Variants in LOXL1 observed in about 807,000 individuals in gnomAD.
LOXL1 encodes lysyl oxidase like 1, also known as lysyl oxidase homolog 1.
LOXL1 carries 31 observed loss-of-function variants against 62.2 expected under a neutral mutation model. The observed-to-expected ratio is 0.50, with a 90% CI of 0.37 to 0.67. LOXL1 has a LOEUF of 0.67. Among genes scored for constraint, LOXL1 ranks in the 30% least tolerant of loss-of-function variants. The pLI is 0.00. For synonymous variants in LOXL1, 403 were observed against 384.4 expected, an observed-to-expected ratio of 1.05 and a Z score of -0.56; for missense variants, 775 against 843.4, an observed-to-expected ratio of 0.92 and a Z score of 1.00.
chr15:73,947,056 T>A lies in LOXL1; in HGVS notation c.1350-11T>A. ...GGCCCTCTTCTTTCTCCTTCTCTCC[T>A]CTGCCCCTAGGCATTACCACAGCAT... On this transcript the variant is annotated splice_polypyrimidine_tract_variant and intron_variant, in intron 3 of 6. Coordinates refer to ENST00000261921, the MANE Select transcript of LOXL1 (RefSeq NM_005576.4). 1.9e-6 allele frequency: 3 copies of A among 1,587,280 alleles called. No homozygotes were observed. Among genetic ancestry groups the A allele is most frequent in the Non-Finnish European group, 2.6e-6 (3 of 1,161,054 alleles).
At chr15:73,932,847 A>G (rs2068644588) in intron 1 of LOXL1, among the ~76,000 whole-genome samples, 1 of 152,234 alleles carries the variant, frequency 6.6e-6, no homozygotes, top group African/African-American at 2.4e-5. Flanking sequence ...TCAGAAAGAA[A>G]AAGAGTCTTC....
In LOXL1 at chr15:73,926,558, A is replaced by T; in HGVS notation, c.-226A>T. On this transcript the variant is annotated 5_prime_UTR_variant, in exon 1 of 7. Transcript: ENST00000261921. ...CCTGCCCGCCCGGTGCCCTGCGGAG[A>T]GCCTCGTGCAGCCCTGGGCACCGCC... is the stretch of plus-strand genomic sequence containing the variant. The T allele has an allele frequency of 2.4e-6, 1 of 422,462 alleles. No homozygotes were observed. The highest frequency in any genetic ancestry group is 4.0e-6 in the Non-Finnish European group (1 of 247,726). The allele number at this position is 422,462 out of a possible 1,614,324, so 26.2% of individuals were successfully genotyped here.
chr15:73,944,002 G>A (rs1156478826), intron 2 of LOXL1, among the ~76,000 whole-genome samples: 1 of 152,174 alleles, frequency 6.6e-6, no homozygotes, highest in East Asian at 1.9e-4. Flanking sequence ...AAAAGAAAAA[G>A]TATCCGCTGA....
intron 1 of LOXL1, among the ~76,000 whole-genome samples, chr15:73,937,260 G>T (rs532820849): frequency 1.3e-5 from 2 of 152,328 alleles, no homozygotes; most frequent in South Asian, 4.1e-4. Context: ...CTCCTACTGT[G>T]CTCCTGCACA....
At chr15:73,935,656 A>G (rs2068665805) in intron 1 of LOXL1, among the ~76,000 whole-genome samples, 1 of 152,166 alleles carries the variant, frequency 6.6e-6, no homozygotes, top group Admixed American at 6.5e-5. Flanking sequence ...GCAGAGAGGC[A>G]GCAGAGGCTT....
In LOXL1 at chr15:73,926,574, G is replaced by C; in HGVS notation, c.-210G>C. On this transcript the variant is annotated 5_prime_UTR_variant, in exon 1 of 7. Transcript: ENST00000261921. ...CCTGCGGAGAGCCTCGTGCAGCCCT[G>C]GGCACCGCCCCTGCCCTGCCCTGAC... 2.1e-6 allele frequency: 1 copy of C among 482,666 alleles called. No homozygotes were observed. Among genetic ancestry groups the C allele is most frequent in the Non-Finnish European group, 3.4e-6 (1 of 296,612 alleles). The allele number at this position is 482,666 out of a possible 1,614,324, so 29.9% of individuals were successfully genotyped here.
chr15:73,928,416 G>T (rs954656301), intron 1 of LOXL1, among the ~76,000 whole-genome samples: 2 of 152,176 alleles, frequency 1.3e-5, no homozygotes. Flanking sequence ...GCTTGAGTGC[G>T]CAGGAGGTTA....
At chr15:73,933,681 T>G (rs1489362736) in intron 1 of LOXL1, among the ~76,000 whole-genome samples, 1 of 152,194 alleles carries the variant, frequency 6.6e-6, no homozygotes, top group African/African-American at 2.4e-5. Context: ...ACCTCCTTTC[T>G]AAGCTGGGAA....
At chr15:73,951,786 C>T (rs529970977) in intron 6 of LOXL1, 45 bp from the exon 7 acceptor site, 10 of 1,505,224 alleles carry the variant, frequency 6.6e-6, no homozygotes, top group South Asian at 1.3e-5. Flanking sequence ...GCCACGGGGG[C>T]CTACTTTGCA....
At position 73,945,540 on chromosome 15, in the gene LOXL1, C is replaced by G. The variant is rs2068741706; in HGVS notation, c.1212-877C>G. ...GGAAAATAGGCTTTGAAGCAGGAAC[C>G]CAGGGTGTGTGGGGGAGTGGAAGGG... On this transcript the variant is annotated intron_variant, in intron 2 of 6. Coordinates refer to ENST00000261921, the MANE Select transcript of LOXL1 (RefSeq NM_005576.4). The surrounding 1 kb of genome is among the most constrained non-coding windows in gnomAD (Gnocchi z 4.3). Among the ~76,000 whole-genome samples the G allele has an allele frequency of 6.6e-6, 1 of 152,048 alleles. No homozygotes were observed. The highest frequency in any genetic ancestry group is 1.5e-5 in the Non-Finnish European group (1 of 68,012).
intron 3 of LOXL1, among the ~76,000 whole-genome samples, 189 bp from the exon 4 acceptor site, chr15:73,946,878 C>CT (rs2068751256): frequency 6.6e-6 from 1 of 152,240 alleles, no homozygotes; most frequent in Admixed American, 6.5e-5. Flanking sequence ...ATGTGCTGTC[C>CT]TGGAGTGACC....
intron 5 of LOXL1, among the ~76,000 whole-genome samples, chr15:73,948,825 A>G (rs1000481730): frequency 6.6e-6 from 1 of 152,186 alleles, no homozygotes; most frequent in African/African-American, 2.4e-5. Flanking sequence ...CACATAAGCA[A>G]TGCAGTTCAC....
At position 73,926,996 on chromosome 15, in the gene LOXL1, T is replaced by C; in HGVS notation, c.213T>C (p.Ser71=). Reference sequence around the variant, plus strand: ...CGGCCGGACCTCAGCGCTCCGAGAGTAGCTCCCGGGTGCTGCTGGCCGGCG... The same window carrying C: ...CGGCCGGACCTCAGCGCTCCGAGAGCAGCTCCCGGGTGCTGCTGGCCGGCG... ...YVPAGPQRSE[S]SSRVLLAGAP... The change falls in exon 1 of 7, where the codon AGT becomes AGC. Residue 71 remains serine (S), a synonymous_variant. Transcript: ENST00000261921. 6.8e-6 allele frequency: 10 copies of C among 1,481,288 alleles called. No homozygotes were observed. Among genetic ancestry groups the C allele is most frequent in the Non-Finnish European group, 9.0e-6 (10 of 1,109,256 alleles). The allele number at this position is 1,481,288 out of a possible 1,614,324, so 91.8% of individuals were successfully genotyped here.
At chr15:73,938,398 A>G (rs2068691013) in intron 1 of LOXL1, among the ~76,000 whole-genome samples, 1 of 151,864 alleles carries the variant, frequency 6.6e-6, no homozygotes, top group South Asian at 2.1e-4. Flanking sequence ...AGTGACAGGC[A>G]GTGAACTAGA....
chr15:73,927,210 C>G lies in LOXL1; in HGVS notation c.427C>G (p.Arg143Gly). ...GGACAGCACGGGCATGGCCCGGGCC[C>G]GCACCTCCGTCTCCCAGCAACGGCA... ...VGDSTGMARA[R>G]TSVSQQRHGG... The change falls in exon 1 of 7, where the codon CGC becomes GGC. Residue 143 changes from arginine to glycine, a missense_variant. Transcript: ENST00000261921. 1 of 1,594,152 alleles carries G rather than the reference C, an allele frequency of 6.3e-7. No homozygotes were observed. The highest frequency in any genetic ancestry group is 8.5e-7 in the Non-Finnish European group (1 of 1,175,708).
At chr15:73,948,618 C>A (rs1165725128) in intron 5 of LOXL1, among the ~76,000 whole-genome samples, 3 of 152,194 alleles carry the variant, frequency 2.0e-5, no homozygotes, top group African/African-American at 7.2e-5. Flanking sequence ...GGAGGCCTTC[C>A]CTGCAGAAAG....
intron 1 of LOXL1, among the ~76,000 whole-genome samples, chr15:73,938,132 C>G (rs1479022210): frequency 6.6e-6 from 1 of 151,688 alleles, no homozygotes; most frequent in Non-Finnish European, 1.5e-5. Context: ...ACTAAAAATA[C>G]AAAATTTAGC....
chr15:73,929,371 C>T (rs945861807), intron 1 of LOXL1, among the ~76,000 whole-genome samples: 15 of 152,234 alleles, frequency 9.9e-5, no homozygotes, highest in African/African-American at 3.6e-4. Flanking sequence ...CCCCAGCCTC[C>T]TCCTCAGCCT....
chr15:73,937,750 A>C (rs2068684036), intron 1 of LOXL1, among the ~76,000 whole-genome samples: 2 of 152,224 alleles, frequency 1.3e-5, no homozygotes, highest in Non-Finnish European at 1.5e-5. Flanking sequence ...GGAGCAAGAA[A>C]TTGATGGTGG....
Sources: gnomAD v4.1 joint callset for allele counts (sites outside exome capture counted in the v4.1 genomes callset) on GRCh38, gnomAD v4.1.1 for gene constraint, Gnocchi (gnomAD v3.1) non-coding constraint, MANE v1.5 for transcripts, NCBI Gene and HGNC (gene_info 2026-07-23, HGNC 2026-07-21) for gene names.